The following INPP5A variants were observed in gnomAD, a reference collection of about 807,000 sequenced individuals.
INPP5A encodes the protein 43 kDa inositol polyphosphate 5-phophatase.
Under a neutral mutation model 65.2 loss-of-function variants are expected in INPP5A, and 14 were observed. That is an observed-to-expected ratio of 0.21 (90% CI 0.14 to 0.34). The LOEUF is 0.34. Ranked by LOEUF, INPP5A falls within the 10% of genes least tolerant of loss-of-function variation. The pLI is 1.00. For missense variants in INPP5A, 431 were observed against 545.6 expected, an observed-to-expected ratio of 0.79 and a Z score of 2.09; for synonymous variants, 207 against 208.3, an observed-to-expected ratio of 0.99 and a Z score of 0.05.
At chr10:132,745,098 G>C (rs1241313858) in intron 9 of INPP5A, among the ~76,000 whole-genome samples, 1 of 152,216 alleles carries the variant, frequency 6.6e-6, no homozygotes, top group Non-Finnish European at 1.5e-5. Flanking sequence ...AGCTTGGGCG[G>C]TTCTGGGAGG....
chr10:132,742,808 C>G (rs1349804428), intron 9 of INPP5A, among the ~76,000 whole-genome samples: 1 of 152,224 alleles, frequency 6.6e-6, no homozygotes, highest in African/African-American at 2.4e-5. Context: ...GTTTGGTTCT[C>G]TTTGCCGAGA....
chr10:132,644,394 A>G lies in INPP5A; in HGVS notation c.118-1474A>G, dbSNP rs2072466118. On this transcript the variant is annotated intron_variant, in intron 2 of 15. Transcript: ENST00000368594. The surrounding 1 kb of genome is among the most constrained non-coding windows in gnomAD (Gnocchi z 6.5). Reference sequence around the variant, plus strand: ...TCTCCCCAGCCTGAGCCCCGTCTTCACCTGCAGCACAGACAGGGCCTGTCC... The same window carrying G: ...TCTCCCCAGCCTGAGCCCCGTCTTCGCCTGCAGCACAGACAGGGCCTGTCC... Among the ~76,000 whole-genome samples the G allele has an allele frequency of 6.6e-6, 1 of 152,126 alleles. No individual in the cohort carries two copies. Among genetic ancestry groups the G allele is most frequent in the Non-Finnish European group, 1.5e-5 (1 of 68,016 alleles).
rs2072553205 is a variant in INPP5A at position 132,650,092 on chromosome 10, C to T, written c.219-326C>T. On this transcript the variant is annotated intron_variant, in intron 3 of 15. Coordinates refer to ENST00000368594, the MANE Select transcript of INPP5A (RefSeq NM_005539.5). This position sits in a 1 kb window ranked among gnomAD's most constrained non-coding sequence, Gnocchi z 5.5. The stretch of plus-strand genomic sequence containing the variant: ...AAGCGTGAGCTATCAGGAGAGCCCC[C>T]AGAGCTTGGAGTTGCGCTTCCCTGG... Among the ~76,000 whole-genome samples, 1 of 152,194 alleles carries T rather than the reference C, an allele frequency of 6.6e-6. No homozygotes were observed. The highest frequency in any genetic ancestry group is 2.1e-4 in the South Asian group (1 of 4,832).
chr10:132,679,066 T>C (rs2073008032), intron 4 of INPP5A, among the ~76,000 whole-genome samples: 1 of 151,928 alleles, frequency 6.6e-6, no homozygotes, highest in Admixed American at 6.5e-5. Context: ...CAGAGGTGCA[T>C]GTGGAAAAGG....
intron 4 of INPP5A, among the ~76,000 whole-genome samples, chr10:132,687,078 G>A (rs1390240109): frequency 2.6e-5 from 4 of 152,240 alleles, no homozygotes; most frequent in African/African-American, 9.6e-5. Flanking sequence ...CCAAGTAGCT[G>A]GGATTACAGG....
intron 8 of INPP5A, among the ~76,000 whole-genome samples, chr10:132,723,683 G>A (rs2134573680): frequency 6.6e-6 from 1 of 152,018 alleles, no homozygotes; most frequent in Admixed American, 6.5e-5. Flanking sequence ...GGCCGTGTGG[G>A]GATTGGCCAT....
intron 4 of INPP5A, among the ~76,000 whole-genome samples, chr10:132,662,481 A>G (rs1039097892): frequency 6.6e-6 from 1 of 152,212 alleles, no homozygotes; most frequent in Non-Finnish European, 1.5e-5. Context: ...GGGCAAAAGA[A>G]TCCAGACCAA....
chr10:132,749,903 C>T lies in INPP5A; in HGVS notation c.903+58C>T, dbSNP rs952546403. 1.6e-4 allele frequency: 224 copies of T among 1,432,318 alleles called. 1 individual carries two copies. The East Asian group carries it at 4.9e-3, about 31-fold the overall frequency. The allele number at this position is 1,432,318 out of a possible 1,614,324, so 88.7% of individuals were successfully genotyped here. A position where few individuals can be genotyped will look rare whatever the true frequency, so the allele number is the denominator to read the frequency against. On this transcript the variant is annotated intron_variant, in intron 11 of 15. Coordinates refer to ENST00000368594, the MANE Select transcript of INPP5A (RefSeq NM_005539.5). The stretch of plus-strand genomic sequence containing the variant: ...GTCCTGGGACATCCACGCCCCCAGG[C>T]CTTCCCATTACCTCTGCTTACCTGG...
rs1188579058 is a variant in INPP5A at position 132,637,988 on chromosome 10, A to G, written c.118-7880A>G. ...TGGGGTTTGCAAGATTCCTAATTTA[A>G]TAGCACCCTCTTGTGTTGGTATTGC... On this transcript the variant is annotated intron_variant, in intron 2 of 15. Coordinates refer to ENST00000368594, the MANE Select transcript of INPP5A (RefSeq NM_005539.5). The surrounding 1 kb of genome is among the most constrained non-coding windows in gnomAD (Gnocchi z 4.1). Among the ~76,000 whole-genome samples, 2 of 152,132 alleles carry G rather than the reference A, an allele frequency of 1.3e-5. No homozygotes were observed. The highest frequency in any genetic ancestry group is 4.8e-5 in the African/African-American group (2 of 41,496).
At chr10:132,610,399 G>T (rs1219375731) in intron 2 of INPP5A, among the ~76,000 whole-genome samples, 3 of 152,228 alleles carry the variant, frequency 2.0e-5, no homozygotes, top group Non-Finnish European at 4.4e-5. Flanking sequence ...AGGAAGTAGG[G>T]GTTGCCCCGG....
At chr10:132,775,173 AGGGGCAGGGAGAGAG>A (rs1565014130) in intron 12 of INPP5A, among the ~76,000 whole-genome samples, 242 of 1,116 alleles carry the variant, frequency 0.22, 81 homozygotes, top group Non-Finnish European at 0.26. Context: ...GGCAGAGAGG[AGGGGCAGGGAGAGAG>A]GGAGGGGCAG....
intron 2 of INPP5A, among the ~76,000 whole-genome samples, chr10:132,617,443 C>T (rs185301821): frequency 9.6e-4 from 146 of 152,336 alleles, no homozygotes; most frequent in African/African-American, 3.3e-3. Context: ...CACACACGCT[C>T]ACTGCCTGGG....
intron 1 of INPP5A, among the ~76,000 whole-genome samples, chr10:132,572,644 C>T (rs1392569024): frequency 3.3e-5 from 5 of 152,164 alleles, no homozygotes; most frequent in African/African-American, 1.2e-4. Context: ...TGCTGGTTCT[C>T]ATGCTCTAGT....
In INPP5A at chr10:132,619,110, A is replaced by G. The variant is rs181471839; in HGVS notation, c.117+11154A>G. 1.1e-3 allele frequency among the ~76,000 whole-genome samples: 165 copies of G among 152,308 alleles called. 1 individual carries two copies. Among genetic ancestry groups the G allele is most frequent in the African/African-American group, 3.8e-3 (159 of 41,574 alleles). On this transcript the variant is annotated intron_variant, in intron 2 of 15. Coordinates refer to ENST00000368594, the MANE Select transcript of INPP5A (RefSeq NM_005539.5). ...AGTCTTGACTCACCTCAGAAGTCCC[A>G]TGTCTGATGACTTCTCTGAGACAAG...
chr10:132,643,979 C>A (rs1393101596), intron 2 of INPP5A, among the ~76,000 whole-genome samples: 2 of 152,188 alleles, frequency 1.3e-5, no homozygotes, highest in Admixed American at 1.3e-4. Flanking sequence ...ACTCTTCCCC[C>A]ACCCTCGGAC....
intron 9 of INPP5A, among the ~76,000 whole-genome samples, chr10:132,747,295 G>A (rs1846387327): frequency 6.6e-6 from 1 of 152,258 alleles, no homozygotes; most frequent in Non-Finnish European, 1.5e-5. Flanking sequence ...CTGTTTGAAG[G>A]CTCCAGACTG....
At chr10:132,734,133 C>T (rs919973567) in intron 9 of INPP5A, among the ~76,000 whole-genome samples, 1 of 152,226 alleles carries the variant, frequency 6.6e-6, no homozygotes, top group African/African-American at 2.4e-5. Flanking sequence ...GTGCCATGCC[C>T]GTGCAGCCTC....
chr10:132,702,717 G>A (rs2134510194), intron 6 of INPP5A, among the ~76,000 whole-genome samples: 1 of 152,334 alleles, frequency 6.6e-6, no homozygotes, highest in Admixed American at 6.5e-5. Flanking sequence ...CACATGGGAA[G>A]CGCTTGCCTC....
chr10:132,751,243 T>G (rs1172845204), intron 11 of INPP5A, among the ~76,000 whole-genome samples: 1 of 152,208 alleles, frequency 6.6e-6, no homozygotes, highest in African/African-American at 2.4e-5. Context: ...GGGCCTCCTG[T>G]GCCCGTCCCT....
Sources: gnomAD v4.1 joint callset for allele counts (sites outside exome capture counted in the v4.1 genomes callset) on GRCh38, gnomAD v4.1.1 for gene constraint, Gnocchi (gnomAD v3.1) non-coding constraint, MANE v1.5 for transcripts, NCBI Gene and HGNC (gene_info 2026-07-23, HGNC 2026-07-21) for gene names.